Variants in CFAP299 observed in about 807,000 individuals in gnomAD.
CFAP299 encodes cilia- and flagella-associated protein 299.
Under a neutral mutation model 27.0 loss-of-function variants are expected in CFAP299, and 21 were observed. The observed-to-expected ratio is 0.78, with a 90% CI of 0.55 to 1.12. The LOEUF is 1.12. CFAP299 is among the 50% of genes most tolerant of loss of function. CFAP299 has a pLI of 0.00. For missense variants in CFAP299, 310 were observed against 276.6 expected (o/e 1.12, Z -0.86); for synonymous variants, 104 against 98.1 (o/e 1.06, Z -0.36).
chr4:80,906,764 G>A (rs775344200), intron 4 of CFAP299, among the ~76,000 whole-genome samples: 1 of 152,086 alleles, frequency 6.6e-6, no homozygotes, highest in Non-Finnish European at 1.5e-5. Context: ...GGGACACAGA[G>A]CACCATGTCT....
chr4:80,340,215 C>T (rs542879038), intron 1 of CFAP299, among the ~76,000 whole-genome samples: 2 of 152,296 alleles, frequency 1.3e-5, no homozygotes, highest in South Asian at 2.1e-4. Flanking sequence ...CAAAGGATCC[C>T]TCATTCCCAG....
At chr4:80,829,376 A>G (rs1730172791) in intron 3 of CFAP299, among the ~76,000 whole-genome samples, 1 of 152,208 alleles carries the variant, frequency 6.6e-6, no homozygotes, top group South Asian at 2.1e-4. Flanking sequence ...CCACAATGAG[A>G]TGATAATTTT....
chr4:80,344,311 A>G (rs1230739392), intron 1 of CFAP299, among the ~76,000 whole-genome samples: 2 of 152,140 alleles, frequency 1.3e-5, no homozygotes, highest in Admixed American at 1.3e-4. Context: ...CAGAAATGAT[A>G]AGGAAGATAT....
At chr4:80,954,986 C>G in intron 5 of CFAP299, among the ~76,000 whole-genome samples, 1 of 95,616 alleles carries the variant, frequency 1.0e-5, no homozygotes, top group Admixed American at 1.8e-4. Context: ...GGTGACAGAG[C>G]AAGACTCCAT....
chr4:80,842,777 A>G (rs1730935330), intron 3 of CFAP299, among the ~76,000 whole-genome samples: 1 of 152,106 alleles, frequency 6.6e-6, no homozygotes, highest in Admixed American at 6.6e-5. Flanking sequence ...CATCAGAGTA[A>G]GGAATATTTA....
chr4:80,535,509 A>AC (rs1733696483), intron 2 of CFAP299, among the ~76,000 whole-genome samples: 2 of 149,752 alleles, frequency 1.3e-5, no homozygotes, highest in Non-Finnish European at 1.5e-5. Flanking sequence ...AAAAAAAAAA[A>AC]AAAAAAAAAA....
chr4:80,480,738 AT>A (rs1730522833), intron 2 of CFAP299, among the ~76,000 whole-genome samples: 1 of 151,962 alleles, frequency 6.6e-6, no homozygotes, highest in South Asian at 2.1e-4. Flanking sequence ...ATCAGAATAA[AT>A]TTTCAATGTT....
chr4:80,706,165 T>G (rs913781047), intron 3 of CFAP299, among the ~76,000 whole-genome samples: 1 of 151,790 alleles, frequency 6.6e-6, no homozygotes, highest in African/African-American at 2.4e-5. Flanking sequence ...CAATTTGACT[T>G]CAAATGTAGG....
At chr4:80,861,865 A>T (rs1393291887) in intron 3 of CFAP299, among the ~76,000 whole-genome samples, 5 of 152,106 alleles carry the variant, frequency 3.3e-5, no homozygotes, top group African/African-American at 1.2e-4. Flanking sequence ...CAACTTATTG[A>T]ACTGTCTTAG....
chr4:80,353,271 A>C (rs1723100820), intron 1 of CFAP299, among the ~76,000 whole-genome samples: 1 of 152,146 alleles, frequency 6.6e-6, no homozygotes, highest in African/African-American at 2.4e-5. Context: ...CACTTTAATC[A>C]ATTTGGGTCA....
intron 2 of CFAP299, among the ~76,000 whole-genome samples, chr4:80,501,414 T>C (rs1160100455): frequency 6.8e-6 from 1 of 147,948 alleles, no homozygotes; most frequent in African/African-American, 2.4e-5. Flanking sequence ...TGTAATTTCA[T>C]ATAACTATAT....
At chr4:80,426,846 C>T (rs1364964970) in intron 2 of CFAP299, among the ~76,000 whole-genome samples, 1 of 152,236 alleles carries the variant, frequency 6.6e-6, no homozygotes, top group Non-Finnish European at 1.5e-5. Flanking sequence ...TCTGTCCTGA[C>T]ACTCTTAATC....
chr4:80,627,205 T>C (rs1234218131), intron 3 of CFAP299, among the ~76,000 whole-genome samples: 1 of 151,944 alleles, frequency 6.6e-6, no homozygotes, highest in Non-Finnish European at 1.5e-5. Context: ...TGCAAATCGG[T>C]AAATGTAATA....
chr4:80,489,562 A>G (rs1731009983), intron 2 of CFAP299, among the ~76,000 whole-genome samples: 1 of 152,160 alleles, frequency 6.6e-6, no homozygotes, highest in Non-Finnish European at 1.5e-5. Flanking sequence ...GGAAAGACGT[A>G]TGATGAGCCA....
intron 2 of CFAP299, among the ~76,000 whole-genome samples, chr4:80,455,965 T>C (rs1729132725): frequency 6.6e-6 from 1 of 152,054 alleles, no homozygotes. Flanking sequence ...AAAAAAGATA[T>C]GCTATGATAG....
At chr4:80,476,815 C>T (rs533979606) in intron 2 of CFAP299, among the ~76,000 whole-genome samples, 31 of 152,158 alleles carry the variant, frequency 2.0e-4, no homozygotes, top group Non-Finnish European at 2.9e-4. Flanking sequence ...CTCTCTGGAG[C>T]TCTTTTCTGG....
chr4:80,633,137 C>A (rs1739298125), intron 3 of CFAP299, among the ~76,000 whole-genome samples: 1 of 152,112 alleles, frequency 6.6e-6, no homozygotes, highest in African/African-American at 2.4e-5. Flanking sequence ...AATTAGTACC[C>A]TCCTCTTTTA....
At chr4:80,386,360 G>T in intron 2 of CFAP299, 2 of 1,455,558 alleles carry the variant, frequency 1.4e-6, no homozygotes, top group Admixed American at 1.9e-5. Context: ...TCAGCTCTGC[G>T]AAGGGCGGCT....
intron 2 of CFAP299, among the ~76,000 whole-genome samples, chr4:80,389,115 C>T (rs1388968798): frequency 6.6e-6 from 1 of 152,046 alleles, no homozygotes; most frequent in African/African-American, 2.4e-5. Context: ...ATTTCTAATA[C>T]GAAATCCTCC....
Sources: gnomAD v4.1 joint callset for allele counts (sites outside exome capture counted in the v4.1 genomes callset) on GRCh38, gnomAD v4.1.1 for gene constraint, MANE v1.5 for transcripts, NCBI Gene and HGNC (gene_info 2026-07-23, HGNC 2026-07-21) for gene names.